Variants in ATCAY observed in about 807,000 individuals in gnomAD.
ATCAY encodes ATCAY kinesin light chain interacting caytaxin, also known as caytaxin.
In ATCAY, 22 loss-of-function variants were observed where a neutral mutation model predicts 47.7. The ratio of observed to expected loss-of-function variants is 0.46; its 90% CI spans 0.33 to 0.66. ATCAY has a LOEUF of 0.66. ATCAY is among the 30% of genes least tolerant of loss of function. The pLI is 0.02. For missense variants in ATCAY, 452 were observed against 515.0 expected, an observed-to-expected ratio of 0.88 and a Z score of 1.18; for synonymous variants, 216 against 207.6, an observed-to-expected ratio of 1.04 and a Z score of -0.35.
intron 1 of ATCAY, among the ~76,000 whole-genome samples, chr19:3,883,503 T>C (rs904939141): frequency 3.9e-5 from 6 of 152,282 alleles, no homozygotes; most frequent in African/African-American, 1.4e-4. Context: ...GAAATGACTA[T>C]TGCCTTTAAG....
chr19:3,924,658 C>G lies in ATCAY; in HGVS notation c.*66C>G. On this transcript the variant is annotated 3_prime_UTR_variant, in exon 13 of 13. Coordinates refer to ENST00000450849, the MANE Select transcript of ATCAY (RefSeq NM_033064.5). ...GATGCCAGAAAACCTCTGTCAGACGCCCACTGGCCCCAGATCTCATCCTGC... is the reference window on the plus strand; with the variant it reads ...GATGCCAGAAAACCTCTGTCAGACGGCCACTGGCCCCAGATCTCATCCTGC... 2 of 1,571,736 alleles carry G rather than the reference C, an allele frequency of 1.3e-6. No homozygotes were observed. The highest frequency in any genetic ancestry group is 1.7e-6 in the Non-Finnish European group (2 of 1,145,820).
chr19:3,887,701 T>C (rs980145100), intron 2 of ATCAY, among the ~76,000 whole-genome samples: 4 of 150,206 alleles, frequency 2.7e-5, no homozygotes, highest in African/African-American at 4.9e-5. Flanking sequence ...TTAGCCAGGA[T>C]GGTCTCGATC....
intron 9 of ATCAY, among the ~76,000 whole-genome samples, chr19:3,916,246 A>G (rs1315780545): frequency 2.0e-5 from 3 of 152,172 alleles, no homozygotes; most frequent in Non-Finnish European, 4.4e-5. Flanking sequence ...TCATGGCTGA[A>G]TAATATTCCA....
At chr19:3,881,401 A>T (rs2038598127) in intron 1 of ATCAY, among the ~76,000 whole-genome samples, 1 of 151,316 alleles carries the variant, frequency 6.6e-6, no homozygotes, top group African/African-American at 2.4e-5. Context: ...AAAAAAAAAA[A>T]ATCTAAGTGT....
chr19:3,896,764 C>A lies in ATCAY; in HGVS notation c.78-5723C>A, dbSNP rs145812454. The stretch of plus-strand genomic sequence containing the variant: ...GATGGTGGCTGGACAGGGACCCTGG[C>A]TGGGCAAGTGGTTGTTTGTTTGTTT... On this transcript the variant is annotated intron_variant, in intron 2 of 12. Transcript: ENST00000450849. 1.9e-3 allele frequency among the ~76,000 whole-genome samples: 292 copies of A among 151,880 alleles called. 1 individual carries two copies. The highest frequency in any genetic ancestry group is 6.9e-3 in the African/African-American group (283 of 41,260).
At chr19:3,923,104 T>C (rs1380559625) in intron 12 of ATCAY, among the ~76,000 whole-genome samples, 1 of 152,210 alleles carries the variant, frequency 6.6e-6, no homozygotes, top group African/African-American at 2.4e-5. Context: ...ACTACCCATG[T>C]GACCCAGGAA....
Position 3,884,563 on chromosome 19 carries a change from T to C in ATCAY, c.-41-1164T>C, listed in dbSNP as rs191333893. Among the ~76,000 whole-genome samples the C allele has an allele frequency of 3.9e-5, 6 of 152,224 alleles. No homozygotes were observed. In the East Asian group the frequency reaches 9.7e-4, roughly 25 times the overall value. ...TCACACTTTAGTATGAATGACTGTT[T>C]GGATTTCTTGCTTTCTAGTTGAGGT... On this transcript the variant is annotated intron_variant, in intron 1 of 12. Coordinates refer to ENST00000450849, the MANE Select transcript of ATCAY (RefSeq NM_033064.5).
chr19:3,883,532 G>A (rs1034781058), intron 1 of ATCAY, among the ~76,000 whole-genome samples: 10 of 152,158 alleles, frequency 6.6e-5, no homozygotes, highest in Admixed American at 6.5e-4. Context: ...TCTCCACCTT[G>A]GATCTATGGA....
chr19:3,901,198 G>A (rs539226037), intron 2 of ATCAY, among the ~76,000 whole-genome samples: 3 of 152,034 alleles, frequency 2.0e-5, no homozygotes, highest in African/African-American at 7.2e-5. Context: ...CACCGCACCC[G>A]GCCTATCCTT....
chr19:3,900,632 G>T (rs575044066), intron 2 of ATCAY, among the ~76,000 whole-genome samples: 1 of 152,096 alleles, frequency 6.6e-6, no homozygotes, highest in East Asian at 1.9e-4. Flanking sequence ...CGCCTCCCGG[G>T]TTCAAGCGAT....
chr19:3,887,986 A>ACG (rs2038678228), intron 2 of ATCAY, among the ~76,000 whole-genome samples: 1 of 151,636 alleles, frequency 6.6e-6, no homozygotes. Context: ...ATGGTGGTGC[A>ACG]CGCCTGTAAT....
In ATCAY at chr19:3,905,668, G is replaced by T; in HGVS notation, c.358+13G>T. The T allele has an allele frequency of 6.2e-7, 1 of 1,609,612 alleles. No individual in the cohort carries two copies. The highest frequency in any genetic ancestry group is 8.5e-7 in the Non-Finnish European group (1 of 1,177,018). On this transcript the variant is annotated intron_variant, in intron 4 of 12. Transcript: ENST00000450849. ...CTGGAGTGGGAAGGTAAAGTTCAGG[G>T]TCTCTCTGGGGCCTGCTGGAGCCCA...
At chr19:3,904,731 G>C (rs145495808) in intron 3 of ATCAY, among the ~76,000 whole-genome samples, 1 of 152,098 alleles carries the variant, frequency 6.6e-6, no homozygotes, top group African/African-American at 2.4e-5. Flanking sequence ...GTATTATCCA[G>C]GTGGCCTGAC....
intron 9 of ATCAY, 136 bp from the exon 10 acceptor site, chr19:3,917,606 A>G (rs1436619707): frequency 1.1e-6 from 1 of 908,162 alleles, no homozygotes; most frequent in Non-Finnish European, 1.6e-6. Context: ...AAAAAAAAAA[A>G]AAAAGGAAGA....
intron 12 of ATCAY, among the ~76,000 whole-genome samples, chr19:3,922,564 G>A (rs2039030232): frequency 6.6e-6 from 1 of 151,982 alleles, no homozygotes; most frequent in South Asian, 2.1e-4. Context: ...ATTTGGGTGG[G>A]GACACAGCCC....
At position 3,902,564 on chromosome 19, in the gene ATCAY, A is replaced by G; in HGVS notation, c.136+19A>G. Reference sequence around the variant, plus strand: ...ACATCCTGTAAGTTTCCACGTCCACAGAAGGGCGGAAACAGGCTCAGTGTT... The same window carrying G: ...ACATCCTGTAAGTTTCCACGTCCACGGAAGGGCGGAAACAGGCTCAGTGTT... On this transcript the variant is annotated intron_variant, in intron 3 of 12. Transcript: ENST00000450849. 6.4e-7 allele frequency: 1 copy of G among 1,558,544 alleles called. No homozygotes were observed. The highest frequency in any genetic ancestry group is 8.7e-7 in the Non-Finnish European group (1 of 1,150,770).
At chr19:3,920,081 C>T (rs748449785) in intron 11 of ATCAY, among the ~76,000 whole-genome samples, 7 of 152,298 alleles carry the variant, frequency 4.6e-5, no homozygotes, top group African/African-American at 7.2e-5. Context: ...CTGTGGCTCA[C>T]GCCTGTAATC....
At chr19:3,884,700 C>T (rs2038632782) in intron 1 of ATCAY, among the ~76,000 whole-genome samples, 1 of 152,012 alleles carries the variant, frequency 6.6e-6, no homozygotes, top group Admixed American at 6.6e-5. Flanking sequence ...CAGCCTCTCG[C>T]CCACGTTCAA....
chr19:3,909,895 G>A (rs1030792932), intron 7 of ATCAY, among the ~76,000 whole-genome samples: 4 of 152,138 alleles, frequency 2.6e-5, no homozygotes, highest in Admixed American at 6.6e-5. Context: ...GACCAGCCCG[G>A]CCAACATATA....
Sources: allele counts gnomAD v4.1 joint callset (sites outside exome capture counted in the v4.1 genomes callset), GRCh38; gene constraint gnomAD v4.1.1; transcripts MANE v1.5; gene names NCBI Gene and HGNC (gene_info 2026-07-23, HGNC 2026-07-21).